The following SSR1 variants were observed in gnomAD, a reference collection of about 807,000 sequenced individuals.
SSR1 encodes the protein translocon-associated protein subunit alpha.
SSR1 carries 13 observed loss-of-function variants against 36.1 expected under a neutral mutation model. The observed-to-expected ratio is 0.36, with a 90% CI of 0.23 to 0.57. The LOEUF (loss-of-function observed/expected upper bound fraction) is 0.57, where lower values mean the gene tolerates loss of function less well. Ranked by LOEUF, SSR1 falls within the 20% of genes least tolerant of loss-of-function variation. SSR1 has a pLI of 0.81. For synonymous variants in SSR1, 113 were observed against 118.9 expected, an observed-to-expected ratio of 0.95 and a Z score of 0.32; for missense variants, 291 against 338.5, an observed-to-expected ratio of 0.86 and a Z score of 1.10.
chr6:7,296,362 C>T (rs1327288084), intron 6 of SSR1, among the ~76,000 whole-genome samples: 1 of 152,100 alleles, frequency 6.6e-6, no homozygotes, highest in African/African-American at 2.4e-5. Flanking sequence ...ACCTAATATA[C>T]AAATTTACAG....
At position 7,294,547 on chromosome 6, in the gene SSR1, C is replaced by T. The variant is rs143280902; in HGVS notation, c.793+845G>A. ...TACTAAAAATACAAAAAAAATTAGC[C>T]GGGCGTGGTGGCACGTGCCTGTAAT... is the stretch of plus-strand genomic sequence containing the variant. On this transcript the variant is annotated intron_variant, in intron 7 of 7. Coordinates refer to ENST00000244763, the MANE Select transcript of SSR1 (RefSeq NM_003144.5). Among the ~76,000 whole-genome samples the T allele has an allele frequency of 3.4e-3, 511 of 152,150 alleles. 3 individuals carry two copies. The highest frequency in any genetic ancestry group is 0.01 in the African/African-American group (427 of 41,516).
At chr6:7,298,882 G>A in intron 4 of SSR1, 59 bp from the exon 5 acceptor site, 1 of 1,351,868 alleles carries the variant, frequency 7.4e-7, no homozygotes, top group Admixed American at 1.7e-5. Context: ...AGTAAAACAT[G>A]TAACATTACT....
intron 4 of SSR1, among the ~76,000 whole-genome samples, chr6:7,300,346 G>A (rs1352235826): frequency 1.3e-5 from 2 of 152,118 alleles, no homozygotes; most frequent in Non-Finnish European, 2.9e-5. Context: ...CTCATTTAGA[G>A]GACCTATTTC....
chr6:7,295,208 A>G (rs76318232), intron 7 of SSR1, 184 bp downstream of exon 7: 136,871 of 1,263,708 alleles, frequency 0.11, 8,070 homozygotes, highest in Non-Finnish European at 0.12. Flanking sequence ...ATTAAAGCAT[A>G]AGAAGACTAC....
intron 7 of SSR1, among the ~76,000 whole-genome samples, chr6:7,292,165 A>G (rs1046471328): frequency 2.0e-5 from 3 of 152,200 alleles, no homozygotes; most frequent in Non-Finnish European, 4.4e-5. Flanking sequence ...TTGTGCTCTG[A>G]AACAGAACTT....
At chr6:7,308,864 G>C (rs1758125610) in intron 2 of SSR1, among the ~76,000 whole-genome samples, 1 of 152,160 alleles carries the variant, frequency 6.6e-6, no homozygotes, top group African/African-American at 2.4e-5. Flanking sequence ...AATAAAAACA[G>C]AGTAAAAGCA....
At chr6:7,306,755 A>T (rs1758068801) in intron 2 of SSR1, among the ~76,000 whole-genome samples, 1 of 151,798 alleles carries the variant, frequency 6.6e-6, no homozygotes, top group South Asian at 2.1e-4. Context: ...TCTCTACTAA[A>T]AATACAAAAA....
In SSR1 at chr6:7,289,819, T is replaced by C; in HGVS notation, c.*45A>G. On this transcript the variant is annotated 3_prime_UTR_variant, in exon 8 of 8. Coordinates refer to ENST00000244763, the MANE Select transcript of SSR1 (RefSeq NM_003144.5). ...CTAATTCCCATCAGGCCGAAAAATA[T>C]TAGGGCAGGTTAAGTAAAGACCGAA... is the stretch of plus-strand genomic sequence containing the variant. The C allele has an allele frequency of 1.3e-6, 2 of 1,543,654 alleles. No homozygotes were observed. Among genetic ancestry groups the C allele is most frequent in the East Asian group, 2.5e-5 (1 of 40,266 alleles).
At chr6:7,294,617 G>A (rs1581628897) in intron 7 of SSR1, among the ~76,000 whole-genome samples, 1 of 152,170 alleles carries the variant, frequency 6.6e-6, no homozygotes. Context: ...CTCGAACCCA[G>A]GAGGCGGAGG....
chr6:7,295,186 A>G, intron 7 of SSR1: 1 of 1,418,552 alleles, frequency 7.0e-7, no homozygotes, highest in Non-Finnish European at 9.4e-7. Context: ...GCAGATCTGG[A>G]AGAATTTCCA....
intron 1 of SSR1, among the ~76,000 whole-genome samples, chr6:7,311,913 TAA>T (rs1167640075): frequency 6.6e-6 from 1 of 152,194 alleles, no homozygotes; most frequent in African/African-American, 2.4e-5. Flanking sequence ...TTAAAAAGCT[TAA>T]AGAGTACCAG....
intron 1 of SSR1, among the ~76,000 whole-genome samples, chr6:7,311,461 C>A (rs1758193374): frequency 6.6e-6 from 1 of 152,220 alleles, no homozygotes; most frequent in African/African-American, 2.4e-5. Context: ...TTCTCACTGG[C>A]TGCTAAGATT....
chr6:7,306,649 G>A (rs1373003629), intron 2 of SSR1, among the ~76,000 whole-genome samples: 6 of 150,638 alleles, frequency 4.0e-5, no homozygotes, highest in South Asian at 2.1e-4. Context: ...AGGTGCAGTG[G>A]CTCATGCCTG....
rs891641291 is a variant in SSR1 at position 7,306,718 on chromosome 6, C to T, written c.193-3081G>A. The stretch of plus-strand genomic sequence containing the variant: ...GATCACGAGGTCAGGAGATCGAGAC[C>T]ATCCTGGCTAACATGGTGAAACCCC... On this transcript the variant is annotated intron_variant, in intron 2 of 7. Transcript: ENST00000244763. Among the ~76,000 whole-genome samples, 7 of 151,358 alleles carry T rather than the reference C, an allele frequency of 4.6e-5. No individual in the cohort carries two copies. In the East Asian group the frequency reaches 6.1e-4, roughly 13 times the overall value.
intron 7 of SSR1, among the ~76,000 whole-genome samples, chr6:7,290,192 G>A (rs1001866732): frequency 6.6e-6 from 1 of 152,222 alleles, no homozygotes; most frequent in African/African-American, 2.4e-5. Context: ...TTATTGTACT[G>A]CTGAAGACAC....
At chr6:7,310,933 A>T (rs1349236935) in intron 1 of SSR1, among the ~76,000 whole-genome samples, 1 of 152,164 alleles carries the variant, frequency 6.6e-6, no homozygotes, top group Non-Finnish European at 1.5e-5. Context: ...ATAAAAAAAT[A>T]AAGCATTCTT....
At position 7,288,160 on chromosome 6, in the gene SSR1, T is replaced by A. The variant is rs1757596591; in HGVS notation, c.*1704A>T. The A allele has an allele frequency of 6.6e-6, 1 of 152,228 alleles. No individual in the cohort carries two copies. Among genetic ancestry groups the A allele is most frequent in the Admixed American group, 6.5e-5 (1 of 15,282 alleles). The allele number at this position is 152,228 out of a possible 1,614,324, so 9.4% of individuals were successfully genotyped here. On this transcript the variant is annotated 3_prime_UTR_variant, in exon 8 of 8. Transcript: ENST00000244763. ...TACACCTTACTGTATCATGCCCTAG[T>A]AGTTTCACAAACTTAGATATTCACA...
intron 4 of SSR1, among the ~76,000 whole-genome samples, chr6:7,299,304 G>A (rs1289294145): frequency 6.6e-6 from 1 of 152,200 alleles, no homozygotes; most frequent in African/African-American, 2.4e-5. Context: ...ACCTTCTGTT[G>A]TTTGCAATCC....
At chr6:7,303,242 G>T (rs1369143696) in intron 3 of SSR1, among the ~76,000 whole-genome samples, 1 of 148,360 alleles carries the variant, frequency 6.7e-6, no homozygotes, top group East Asian at 2.0e-4. Context: ...CAGGAAAATC[G>T]ATTAAACCTG....
Sources: allele counts gnomAD v4.1 joint callset (sites outside exome capture counted in the v4.1 genomes callset), GRCh38; gene constraint gnomAD v4.1.1; transcripts MANE v1.5; gene names NCBI Gene and HGNC (gene_info 2026-07-23, HGNC 2026-07-21).